The following NME8 variants were observed in gnomAD, a reference collection of about 807,000 sequenced individuals.
The protein encoded by NME8 is protein NME8.
NME8 carries 72 observed loss-of-function variants against 82.3 expected under a neutral mutation model. The observed-to-expected ratio is 0.87, with a 90% confidence interval of 0.72 to 1.06. The LOEUF is 1.06. NME8 is among the 50% of genes least tolerant of loss of function. The pLI, the probability that NME8 is intolerant of heterozygous loss-of-function variation, is 0.00. For missense variants in NME8, 712 were observed against 685.4 expected (o/e 1.04, Z -0.43); for synonymous variants, 267 against 228.5 (o/e 1.17, Z -1.52).
At chr7:37,882,721 C>T (rs947148616) in intron 12 of NME8, among the ~76,000 whole-genome samples, 35 of 152,002 alleles carry the variant, frequency 2.3e-4, no homozygotes, top group African/African-American at 7.7e-4. Flanking sequence ...TTTTATGCAT[C>T]AGGTTATTCC....
intron 6 of NME8, among the ~76,000 whole-genome samples, chr7:37,860,016 T>C (rs1784575528): frequency 1.3e-5 from 2 of 152,180 alleles, no homozygotes; most frequent in South Asian, 4.1e-4. Flanking sequence ...AACAGATTCA[T>C]TCCAGCTAGT....
intron 12 of NME8, among the ~76,000 whole-genome samples, chr7:37,877,623 G>A (rs527948726): frequency 2.6e-5 from 4 of 152,222 alleles, no homozygotes; most frequent in East Asian, 1.9e-4. Context: ...GAGCTTTGAC[G>A]TAGTTTCCTT....
intron 16 of NME8, 129 bp downstream of exon 16, chr7:37,894,739 A>G (rs1293812601): frequency 3.1e-6 from 3 of 954,978 alleles, no homozygotes; most frequent in East Asian, 2.7e-5. Flanking sequence ...TTCTGCTAAC[A>G]TTCATGGTTC....
At chr7:37,892,496 T>C (rs1160969368) in intron 15 of NME8, among the ~76,000 whole-genome samples, 2 of 151,650 alleles carry the variant, frequency 1.3e-5, no homozygotes, top group Non-Finnish European at 2.9e-5. Context: ...ATATATTATT[T>C]AATTATATAC....
In NME8 at chr7:37,849,332, T is replaced by C. The variant is rs186830370; in HGVS notation, c.-8+276T>C. Among the ~76,000 whole-genome samples the C allele has an allele frequency of 2.7e-3, 414 of 152,282 alleles. 3 individuals carry two copies. Among genetic ancestry groups the C allele is most frequent in the African/African-American group, 9.8e-3 (408 of 41,554 alleles). On this transcript the variant is annotated intron_variant, in intron 2 of 17. Transcript: ENST00000199447. ...GGCATGTTCATTTGTTTGCAATTGATAATATAGGAAACACTTTCTAATATT... is the reference window on the plus strand; with the variant it reads ...GGCATGTTCATTTGTTTGCAATTGACAATATAGGAAACACTTTCTAATATT...
At chr7:37,875,889 TA>T (rs1377848923) in intron 11 of NME8, among the ~76,000 whole-genome samples, 2 of 150,430 alleles carry the variant, frequency 1.3e-5, no homozygotes, top group East Asian at 3.9e-4. Context: ...TGAGAGGAAT[TA>T]AAAATACATA....
In NME8 at chr7:37,862,065, C is replaced by A. The variant is rs1784604691; in HGVS notation, c.308C>A (p.Ala103Glu). 3.3e-5 allele frequency: 54 copies of A among 1,613,578 alleles called. No homozygotes were observed. The highest frequency in any genetic ancestry group is 4.5e-5 in the Non-Finnish European group (53 of 1,179,800). Reference protein sequence around the residue: ...KIIEKIQGANAPLVNKKVINL... With the variant: ...KIIEKIQGANEPLVNKKVINL... ...ATCGAAAAGATTCAGGGTGCAAATG[C>A]ACCGCTTGTTAATAAAAAAGTTATT... Residue 103 changes from alanine to glutamate, a missense_variant, in exon 7 of 18, where the codon GCA (alanine) becomes GAA (glutamate). Physicochemically the swap from Ala to Glu is moderately radical, Grantham distance 107 (BLOSUM62 -1). Coordinates refer to ENST00000199447, the MANE Select transcript of NME8 (RefSeq NM_016616.5).
At chr7:37,867,933 A>T in intron 11 of NME8, 35 bp downstream of exon 11, 13 of 1,585,216 alleles carry the variant, frequency 8.2e-6, no homozygotes, top group Non-Finnish European at 1.1e-5. Flanking sequence ...GTTACTTGCA[A>T]TGTGTTATTG....
intron 11 of NME8, 56 bp downstream of exon 11, chr7:37,867,954 C>A: frequency 6.7e-7 from 1 of 1,481,836 alleles, no homozygotes; most frequent in Non-Finnish European, 9.4e-7. Context: ...GGTAATGAAG[C>A]GTAGTGTAGG....
chr7:37,882,806 A>G (rs1170451011), intron 12 of NME8, among the ~76,000 whole-genome samples: 1 of 152,156 alleles, frequency 6.6e-6, no homozygotes, highest in African/African-American at 2.4e-5. Context: ...CCTGTCACCA[A>G]ATATGGCATC....
chr7:37,863,831 C>G lies in NME8; in HGVS notation c.454+369C>G, dbSNP rs73119056. ...GTTTACTTTGCAGTTAACAATTTCA[C>G]GCCTTCACTAGATTATCTGCATTGG... On this transcript the variant is annotated intron_variant, in intron 8 of 17. Coordinates refer to ENST00000199447, the MANE Select transcript of NME8 (RefSeq NM_016616.5). Among the ~76,000 whole-genome samples the G allele has an allele frequency of 9.1e-3, 1,379 of 152,290 alleles. 11 individuals are homozygous for G. The highest frequency in any genetic ancestry group is 0.014 in the Non-Finnish European group (967 of 68,022).
chr7:37,872,381 C>A lies in NME8; in HGVS notation c.819-4451C>A, dbSNP rs563141287. 5.3e-5 allele frequency among the ~76,000 whole-genome samples: 8 copies of A among 152,176 alleles called. 1 individual carries two copies. In the South Asian group the frequency reaches 1.7e-3, roughly 32 times the overall value. ...GTGAGCCATCAAGGAAAAATGAGTA[C>A]CTGCCTAAGGGAGACTGGCAGCCAG... On this transcript the variant is annotated intron_variant, in intron 11 of 17. Transcript: ENST00000199447.
In NME8 at chr7:37,850,364, C is replaced by T. The variant is rs772869964; in HGVS notation, c.34-14C>T. The T allele has an allele frequency of 1.2e-6, 2 of 1,614,104 alleles. No individual in the cohort carries two copies. The highest frequency in any genetic ancestry group is 1.1e-5 in the South Asian group (1 of 91,084). On this transcript the variant is annotated splice_polypyrimidine_tract_variant and intron_variant, in intron 3 of 17. Coordinates refer to ENST00000199447, the MANE Select transcript of NME8 (RefSeq NM_016616.5). ...AGTGCTTGAATACCTTTTACAGTGCCTTCCACTTTGCAGACAGTCATCAAT... is the reference window on the plus strand; with the variant it reads ...AGTGCTTGAATACCTTTTACAGTGCTTTCCACTTTGCAGACAGTCATCAAT...
chr7:37,867,945 G>A, intron 11 of NME8, 47 bp downstream of exon 11: 1 of 1,536,552 alleles, frequency 6.5e-7, no homozygotes, highest in Middle Eastern at 1.7e-4. Flanking sequence ...GTGTTATTGG[G>A]TAATGAAGCG....
In NME8 at chr7:37,877,064, C is replaced by A. The variant is rs570473696; in HGVS notation, c.994+57C>A. On this transcript the variant is annotated intron_variant, in intron 12 of 17. Coordinates refer to ENST00000199447, the MANE Select transcript of NME8 (RefSeq NM_016616.5). ...TTTATATAGATGAGATTTGAATAAA[C>A]CCTAGTATAATTGCATTTAAAGACA... The A allele has an allele frequency of 7.5e-4, 1,047 of 1,393,728 alleles. 3 individuals are homozygous for A. The highest frequency in any genetic ancestry group is 5.5e-4 in the Non-Finnish European group (545 of 987,314). The allele number at this position is 1,393,728 out of a possible 1,614,324, so 86.3% of individuals were successfully genotyped here. A position where few individuals can be genotyped will look rare whatever the true frequency, so the allele number is the denominator to read the frequency against.
chr7:37,856,110 A>G (rs529760266), intron 5 of NME8, among the ~76,000 whole-genome samples: 45 of 152,298 alleles, frequency 3.0e-4, no homozygotes, highest in Non-Finnish European at 5.6e-4. Flanking sequence ...GTAGCACTTT[A>G]TCTGGATCTC....
Position 37,896,989 on chromosome 7 carries a change from A to G in NME8, c.1664A>G (p.Gln555Arg). 2 of 1,614,008 alleles carry G rather than the reference A, an allele frequency of 1.2e-6. No individual in the cohort carries two copies. Among genetic ancestry groups the G allele is most frequent in the Non-Finnish European group, 1.7e-6 (2 of 1,179,916 alleles). The part of the protein sequence containing the change: ...KLLSPDSIRA[Q>R]FGISKLKNIV... ...CTTTCCCCTGACTCCATCCGAGCCC[A>G]GTTTGGAATAAGTAAATTGAAAAAC... is the stretch of plus-strand genomic sequence containing the variant. Residue 555 changes from glutamine (Q) to arginine (R), a missense_variant, in exon 17 of 18, where the codon CAG (glutamine) becomes CGG (arginine). By Grantham distance (43) the Gln-to-Arg change is conservative (BLOSUM62 1). Coordinates refer to ENST00000199447, the MANE Select transcript of NME8 (RefSeq NM_016616.5).
rs527437340 is a variant in NME8, at chr7:37,857,378, A to G, written c.270+33A>G. ...TATTTACTTTCTCAATTGCATTATC[A>G]GATTCCAGTTTGCAGTTAAGAACAA... On this transcript the variant is annotated intron_variant, in intron 6 of 17. Coordinates refer to ENST00000199447, the MANE Select transcript of NME8 (RefSeq NM_016616.5). 34 of 1,410,638 alleles carry G rather than the reference A, an allele frequency of 2.4e-5. No individual in the cohort carries two copies. The Admixed American group carries it at 4.5e-4, about 19-fold the overall frequency. 87.4% of individuals were successfully genotyped at this position (1,410,638 alleles called of 1,614,324 possible). A position where few individuals can be genotyped will look rare whatever the true frequency, so the allele number is the denominator to read the frequency against.
Position 37,857,294 on chromosome 7 carries a change from G to A in NME8, c.219G>A (p.Val73=), listed in dbSNP as rs3213976. ...HFAVAEADNI[V]TLQPFRDKCE... ...TCCAGGCAGAAGCTGACAACATTGT[G>A]ACTTTGCAGCCATTTAGAGATAAAT... The change falls in exon 6 of 18, where the codon GTG becomes GTA. Residue 73 remains valine (V), a synonymous_variant. Coordinates refer to ENST00000199447, the MANE Select transcript of NME8 (RefSeq NM_016616.5). 171,783 of 1,608,500 alleles carry A rather than the reference G, an allele frequency of 0.11. 9,847 individuals carry two copies. The highest frequency in any genetic ancestry group is 0.15 in the Middle Eastern group (915 of 6,026).
Sources: gnomAD v4.1 joint callset for allele counts (sites outside exome capture counted in the v4.1 genomes callset) on GRCh38, gnomAD v4.1.1 for gene constraint, MANE v1.5 for transcripts, NCBI Gene and HGNC (gene_info 2026-07-23, HGNC 2026-07-21) for gene names.